LAMA3: variants seen among roughly 807,000 people sequenced by gnomAD.
LAMA3 encodes laminin subunit alpha 3, also known as laminin subunit alpha-3.
In LAMA3, 281 loss-of-function variants were observed where a neutral mutation model predicts 402.0. The ratio of observed to expected loss-of-function variants is 0.70; its 90% CI spans 0.63 to 0.77. LAMA3 has a LOEUF of 0.77. Among genes scored for constraint, LAMA3 ranks in the 30% least tolerant of loss-of-function variants. The probability of loss-of-function intolerance (pLI) is 0.00; values close to 1 mark genes in which losing one functional copy is unlikely to be tolerated. For synonymous variants in LAMA3, 1,431 were observed against 1,558.4 expected (o/e 0.92, Z 1.93); for missense variants, 3,840 against 4,215.5 (o/e 0.91, Z 2.47).
At chr18:23,816,004 T>A (rs1032448963) in intron 17 of LAMA3, among the ~76,000 whole-genome samples, 2 of 152,192 alleles carry the variant, frequency 1.3e-5, no homozygotes, top group African/African-American at 2.4e-5. Flanking sequence ...TATCACATGT[T>A]CTTTAGAACA....
chr18:23,902,152 G>A (rs188168222), intron 48 of LAMA3, among the ~76,000 whole-genome samples: 1 of 152,192 alleles, frequency 6.6e-6, no homozygotes, highest in East Asian at 1.9e-4. Context: ...GTGAGACCCT[G>A]TCTCTACAAA....
rs1356449169 is a variant in LAMA3 at position 23,954,831 on chromosome 18, T to A, written c.*183T>A. The stretch of plus-strand genomic sequence containing the variant: ...TTTGGCATTCAGTGCTACATGTGTA[T>A]TTTATATAAAAATCCCATTTCTTGA... On this transcript the variant is annotated 3_prime_UTR_variant, in exon 75 of 75. Coordinates refer to ENST00000313654, the MANE Select transcript of LAMA3 (RefSeq NM_198129.4). 2 of 622,026 alleles carry A rather than the reference T, an allele frequency of 3.2e-6. No individual in the cohort carries two copies. Among genetic ancestry groups the A allele is most frequent in the East Asian group, 2.8e-5 (1 of 35,890 alleles). 38.5% of individuals were successfully genotyped at this position (622,026 alleles called of 1,614,324 possible).
intron 2 of LAMA3, among the ~76,000 whole-genome samples, chr18:23,724,777 C>T (rs1463303890): frequency 2.0e-5 from 3 of 152,136 alleles, no homozygotes; most frequent in Non-Finnish European, 2.9e-5. Flanking sequence ...TTCATGAATT[C>T]TTCATGACAG....
intron 1 of LAMA3, among the ~76,000 whole-genome samples, chr18:23,712,560 G>C (rs192768927): frequency 6.6e-6 from 1 of 150,504 alleles, no homozygotes; most frequent in Admixed American, 6.7e-5. Flanking sequence ...TATGGCCTCC[G>C]ACCTCAGGAA....
intron 65 of LAMA3, among the ~76,000 whole-genome samples, chr18:23,931,948 T>G (rs1232211786): frequency 6.6e-6 from 1 of 152,256 alleles, no homozygotes; most frequent in African/African-American, 2.4e-5. Flanking sequence ...AAACGCCATC[T>G]TTGGCAAGAT....
Position 23,901,136 on chromosome 18 carries a change from G to T in LAMA3, c.6014G>T (p.Arg2005Leu). The T allele has an allele frequency of 6.2e-7, 1 of 1,613,998 alleles. No homozygotes were observed. Among genetic ancestry groups the T allele is most frequent in the Non-Finnish European group, 8.5e-7 (1 of 1,179,872 alleles). ...DKRESQLLLN[R>L]IRTWQKTHQG... ...AGGTGATGTATTACAGTGCTGAACC[G>T]GATAAGGACCTGGCAGAAAACCCAC... The change falls in exon 48 of 75, where the codon CGG (arginine) becomes CTG (leucine). Residue 2005 changes from arginine (R) to leucine (L), a missense_variant. Around this residue, in one of 3 missense-constraint regions of LAMA3, gnomAD observed 891 missense variants for 857.5 expected, o/e 1.04. Coordinates refer to ENST00000313654, the MANE Select transcript of LAMA3 (RefSeq NM_198129.4).
intron 40 of LAMA3, among the ~76,000 whole-genome samples, chr18:23,884,439 T>C (rs2065004503): frequency 6.6e-6 from 1 of 152,232 alleles, no homozygotes; most frequent in Non-Finnish European, 1.5e-5. Flanking sequence ...AGACTTGTTT[T>C]ACTCCTTCCT....
intron 2 of LAMA3, among the ~76,000 whole-genome samples, chr18:23,728,014 G>C (rs73969518): frequency 6.6e-6 from 1 of 152,278 alleles, no homozygotes; most frequent in East Asian, 1.9e-4. Flanking sequence ...CACTACAGCT[G>C]TGAGCCACTG....
intron 7 of LAMA3, 100 bp from the exon 8 acceptor site, chr18:23,763,305 T>C (rs1001290649): frequency 1.2e-5 from 10 of 843,252 alleles, no homozygotes; most frequent in Admixed American, 3.6e-5. Flanking sequence ...TTCCAGAATA[T>C]ACTTTTTTAT....
chr18:23,949,577 C>T (rs1359651562), intron 70 of LAMA3, among the ~76,000 whole-genome samples, 188 bp from the exon 71 acceptor site: 1 of 152,186 alleles, frequency 6.6e-6, no homozygotes. Flanking sequence ...TCTTGGCACT[C>T]TGGGCAGAGA....
chr18:23,929,999 C>T (rs2082117348), intron 64 of LAMA3, among the ~76,000 whole-genome samples: 1 of 152,054 alleles, frequency 6.6e-6, no homozygotes, highest in South Asian at 2.1e-4. Flanking sequence ...TATAAGTTAG[C>T]ATTAGTTTAT....
intron 67 of LAMA3, among the ~76,000 whole-genome samples, chr18:23,936,287 G>A (rs988567474): frequency 1.3e-5 from 2 of 150,686 alleles, no homozygotes; most frequent in African/African-American, 4.9e-5. Flanking sequence ...TGTGCACAAC[G>A]TGCAGGTTTG....
intron 39 of LAMA3, among the ~76,000 whole-genome samples, chr18:23,880,827 A>C (rs1392075899): frequency 6.6e-6 from 1 of 152,206 alleles, no homozygotes; most frequent in Non-Finnish European, 1.5e-5. Flanking sequence ...CAGTGAGCTG[A>C]GACTAGGCCA....
chr18:23,891,746 A>G (rs530133122), intron 42 of LAMA3, among the ~76,000 whole-genome samples: 1 of 152,346 alleles, frequency 6.6e-6, no homozygotes, highest in African/African-American at 2.4e-5. Context: ...GGTTGTCATC[A>G]GCAGTCAGTG....
chr18:23,907,901 C>G lies in LAMA3; in HGVS notation c.6981C>G (p.Asp2327Glu). The G allele has an allele frequency of 6.2e-7, 1 of 1,614,030 alleles. No homozygotes were observed. Among genetic ancestry groups the G allele is most frequent in the Admixed American group, 1.7e-5 (1 of 60,022 alleles). ...KDTYGRTQNE[D>E]FKKALTDADN... ...CCTATGGGAGGACACAGAACGAAGA[C>G]TTCAAAAAGGCTCTGACTGATGCAG... is the stretch of plus-strand genomic sequence containing the variant. The change falls in exon 54 of 75, where the codon GAC becomes GAG. Residue 2327 changes from aspartate (D) to glutamate (E), a missense_variant. Asp to Glu is a conservative substitution (Grantham distance 45). This residue lies in a region of LAMA3 where 891 missense variants were observed against 857.5 expected (regional missense o/e 1.04). Transcript: ENST00000313654.
intron 30 of LAMA3, among the ~76,000 whole-genome samples, 182 bp from the exon 31 acceptor site, chr18:23,846,115 G>C (rs1001849077): frequency 1.3e-5 from 2 of 152,110 alleles, no homozygotes; most frequent in Non-Finnish European, 2.9e-5. Flanking sequence ...CAGGTGGTAG[G>C]GGGAGGGTGT....
At chr18:23,881,902 G>C (rs1446653520) in intron 39 of LAMA3, 34 bp from the exon 40 acceptor site, 1 of 1,340,998 alleles carries the variant, frequency 7.5e-7, no homozygotes, top group Non-Finnish European at 1.1e-6. Flanking sequence ...GACTGTACTG[G>C]CTGCTGTGAA....
chr18:23,784,027 T>C lies in LAMA3; in HGVS notation c.1473T>C (p.Cys491=). 1 of 1,614,126 alleles carries C rather than the reference T, an allele frequency of 6.2e-7. No homozygotes were observed. Among genetic ancestry groups the C allele is most frequent in the South Asian group, 1.1e-5 (1 of 91,070 alleles). ...AAAGTTTCCTGTCTTCTGCAGGGTG[T>C]GACTGTAATCTGGAAGGTGTTCTCC... ...EDPVAGDIKG[C]DCNLEGVLPE... Residue 491 remains cysteine (C), a synonymous_variant, in exon 12 of 75, where the codon TGT becomes TGC. Transcript: ENST00000313654.
chr18:23,904,817 A>G (rs1244487881), intron 51 of LAMA3, 123 bp downstream of exon 51: 1 of 1,069,106 alleles, frequency 9.4e-7, no homozygotes, highest in Non-Finnish European at 1.4e-6. Flanking sequence ...CTTGTTGTAT[A>G]GAATAGAACT....
Sources: gnomAD v4.1 joint callset for allele counts (sites outside exome capture counted in the v4.1 genomes callset) on GRCh38, gnomAD v4.1.1 for gene constraint, gnomAD v4.1.1 regional missense constraint, MANE v1.5 for transcripts, NCBI Gene and HGNC (gene_info 2026-07-23, HGNC 2026-07-21) for gene names.